ABCD2: variants seen among roughly 807,000 people sequenced by gnomAD.
ABCD2 encodes ATP-binding cassette sub-family D member 2.
ABCD2 carries 36 observed loss-of-function variants against 70.9 expected under a neutral mutation model. The ratio of observed to expected loss-of-function variants is 0.51; its 90% CI spans 0.39 to 0.67. The LOEUF (loss-of-function observed/expected upper bound fraction) is 0.67, where lower values mean the gene tolerates loss of function less well. Among genes scored for constraint, ABCD2 ranks in the 30% least tolerant of loss-of-function variants. The pLI is 0.00. For missense variants in ABCD2, 729 were observed against 890.2 expected (o/e 0.82, Z 2.30); for synonymous variants, 304 against 306.9 (o/e 0.99, Z 0.10).
intron 2 of ABCD2, among the ~76,000 whole-genome samples, chr12:39,610,425 C>T (rs1389956635): frequency 6.6e-6 from 1 of 152,062 alleles, no homozygotes; most frequent in African/African-American, 2.4e-5. Flanking sequence ...CATAAATAGA[C>T]TGGGAACAGA....
chr12:39,599,350 A>C (rs1408420042), intron 6 of ABCD2, among the ~76,000 whole-genome samples: 1 of 152,242 alleles, frequency 6.6e-6, no homozygotes, highest in Non-Finnish European at 1.5e-5. Flanking sequence ...TCTAACCTAA[A>C]TAAAAAAGTA....
chr12:39,595,193 A>G (rs888786466), intron 6 of ABCD2, among the ~76,000 whole-genome samples: 1 of 152,220 alleles, frequency 6.6e-6, no homozygotes, highest in Non-Finnish European at 1.5e-5. Flanking sequence ...CTGTGTTATG[A>G]TTATCTGAGA....
intron 9 of ABCD2, among the ~76,000 whole-genome samples, chr12:39,555,705 TCTG>T (rs1260035891): frequency 6.6e-6 from 1 of 152,150 alleles, no homozygotes; most frequent in East Asian, 1.9e-4. Context: ...GACCCTCACT[TCTG>T]CTGGTACCTG....
chr12:39,585,668 A>G (rs1941654223), intron 7 of ABCD2, among the ~76,000 whole-genome samples: 1 of 152,162 alleles, frequency 6.6e-6, no homozygotes, highest in Non-Finnish European at 1.5e-5. Context: ...TTATGCTGAA[A>G]AACCACAATA....
At chr12:39,537,576 C>A in the ABCD2 span, among the ~76,000 whole-genome samples, 171 of 152,228 alleles carry the variant, frequency 1.1e-3, no homozygotes, top group African/African-American at 3.8e-3. Context: ...TCCAGGGATC[C>A]AAGGATCCAG....
intron 2 of ABCD2, 84 bp from the exon 3 acceptor site, chr12:39,607,798 A>G (rs1044489048): frequency 1.1e-6 from 1 of 886,960 alleles, no homozygotes; most frequent in African/African-American, 1.7e-5. Flanking sequence ...TACAAACTAA[A>G]TTGTGGCTAA....
chr12:39,577,070 A>G (rs1370771731), intron 8 of ABCD2, among the ~76,000 whole-genome samples: 3 of 151,194 alleles, frequency 2.0e-5, no homozygotes, highest in East Asian at 3.9e-4. Context: ...CAAGACTGGG[A>G]AAAAAAAATC....
chr12:39,572,856 T>C (rs1941466563), intron 9 of ABCD2, among the ~76,000 whole-genome samples: 1 of 152,104 alleles, frequency 6.6e-6, no homozygotes, highest in South Asian at 2.1e-4. Flanking sequence ...TAGAGACAGT[T>C]ATAGTTACTA....
chr12:39,604,357 A>C (rs939182834), intron 4 of ABCD2, among the ~76,000 whole-genome samples: 1 of 152,176 alleles, frequency 6.6e-6, no homozygotes, highest in Admixed American at 6.5e-5. Flanking sequence ...AAAAAACCAC[A>C]GTGCTGCAAA....
At position 39,553,686 on chromosome 12, in the gene ABCD2, G is replaced by A. The variant is rs747283572; in HGVS notation, c.*226C>T. The A allele has an allele frequency of 7.8e-5, 37 of 472,510 alleles. No individual in the cohort carries two copies. Among genetic ancestry groups the A allele is most frequent in the African/African-American group, 1.4e-4 (7 of 50,482 alleles). The allele number at this position is 472,510 out of a possible 1,614,324, so 29.3% of individuals were successfully genotyped here. A position where few individuals can be genotyped will look rare whatever the true frequency, so the allele number is the denominator to read the frequency against. On this transcript the variant is annotated 3_prime_UTR_variant, in exon 10 of 10. Transcript: ENST00000308666. ...AAATCCTGTTTTACAAGTGCATTAG[G>A]CCTTCACTAGGAATTAGTATAAGTC...
At chr12:39,594,526 AACAC>A (rs1326915973) in intron 6 of ABCD2, among the ~76,000 whole-genome samples, 1 of 152,210 alleles carries the variant, frequency 6.6e-6, no homozygotes, top group Non-Finnish European at 1.5e-5. Flanking sequence ...AATTTTTTAA[AACAC>A]ACACACTATA....
chr12:39,586,009 C>G, intron 7 of ABCD2, 143 bp downstream of exon 7: 2 of 676,364 alleles, frequency 3.0e-6, no homozygotes, highest in Non-Finnish European at 2.3e-6. Flanking sequence ...AATAATGGAA[C>G]AGCAATAAAA....
At chr12:39,602,445 C>T (rs547954370) in intron 5 of ABCD2, among the ~76,000 whole-genome samples, 2 of 152,180 alleles carry the variant, frequency 1.3e-5, no homozygotes, top group African/African-American at 2.4e-5. Flanking sequence ...TGAGCCACCG[C>T]GCCCAGCCTG....
the ABCD2 span, among the ~76,000 whole-genome samples, chr12:39,534,764 A>AAGAGAG: frequency 7.0e-5 from 1 of 14,350 alleles, no homozygotes. Flanking sequence ...AAGAAAGAGA[A>AAGAGAG]AGAAAGAAAG....
At chr12:39,600,872 T>C (rs10877173) in intron 5 of ABCD2, among the ~76,000 whole-genome samples, 156 bp from the exon 6 acceptor site, 8,443 of 152,236 alleles carry the variant, frequency 0.055, 280 homozygotes, top group East Asian at 0.14. Flanking sequence ...AGAACAAGTT[T>C]GGCTTTTGAC....
chr12:39,547,138 G>A (rs1292440100), downstream of ABCD2, among the ~76,000 whole-genome samples: 1 of 152,040 alleles, frequency 6.6e-6, no homozygotes, highest in Non-Finnish European at 1.5e-5. Flanking sequence ...ACTACAGTGA[G>A]ATATCACATC....
chr12:39,553,446 AGC>A lies in ABCD2; in HGVS notation c.*464_*465del, dbSNP rs1941116558. 6.6e-6 allele frequency: 1 copy of A among 152,582 alleles called. No individual in the cohort carries two copies. The highest frequency in any genetic ancestry group is 6.5e-5 in the Admixed American group (1 of 15,286). 9.5% of individuals were successfully genotyped at this position (152,582 alleles called of 1,614,324 possible). On this transcript the variant is annotated 3_prime_UTR_variant, in exon 10 of 10. Transcript: ENST00000308666. Reference sequence around the variant, plus strand: ...TTTTGTACAGGTTTAGTTGGCCACTAGCAATAATCAATTTGAATTCTAGCTAT... The same window carrying A: ...TTTTGTACAGGTTTAGTTGGCCACTAAATAATCAATTTGAATTCTAGCTAT...
the ABCD2 span, among the ~76,000 whole-genome samples, chr12:39,537,684 A>T: frequency 6.6e-6 from 1 of 152,224 alleles, no homozygotes; most frequent in African/African-American, 2.4e-5. Context: ...CCACTTATGT[A>T]CATTTTTCAT....
intron 9 of ABCD2, among the ~76,000 whole-genome samples, chr12:39,562,923 C>T (rs907973551): frequency 1.3e-5 from 2 of 152,044 alleles, no homozygotes; most frequent in Non-Finnish European, 2.9e-5. Flanking sequence ...AACAAAATAC[C>T]AGCAAACTGA....
Sources: allele counts gnomAD v4.1 joint callset (sites outside exome capture counted in the v4.1 genomes callset), GRCh38; gene constraint gnomAD v4.1.1; transcripts MANE v1.5; gene names NCBI Gene and HGNC (gene_info 2026-07-23, HGNC 2026-07-21).